The following ASCC3 variants were observed in gnomAD, a reference collection of about 807,000 sequenced individuals.
The protein encoded by ASCC3 is ASC-1 complex subunit P200.
Under a neutral mutation model 256.3 loss-of-function variants are expected in ASCC3, and 158 were observed. The ratio of observed to expected loss-of-function variants is 0.62; its 90% CI spans 0.54 to 0.70. The LOEUF (loss-of-function observed/expected upper bound fraction) is 0.70. Among genes scored for constraint, ASCC3 ranks in the 30% least tolerant of loss-of-function variants. The pLI is 0.00. For missense variants in ASCC3, 2,259 were observed against 2,626.0 expected (o/e 0.86, Z 3.05); for synonymous variants, 948 against 883.4 (o/e 1.07, Z -1.30).
intron 9 of ASCC3, among the ~76,000 whole-genome samples, 155 bp from the exon 10 acceptor site, chr6:100,766,860 G>T (rs562317345): frequency 1.1e-4 from 17 of 152,294 alleles, no homozygotes; most frequent in African/African-American, 3.6e-4. Context: ...TCTTATCTTT[G>T]TGAGATATGT....
rs562780444 is a variant in ASCC3 at position 100,605,497 on chromosome 6, T to C, written c.5177+71A>G. On this transcript the variant is annotated intron_variant, in intron 33 of 41. Transcript: ENST00000369162. ...ACCTGTTTTACTGATTTTTATATAA[T>C]AAAATATAACCAGAAAAACACCAAC... 1.0e-5 allele frequency: 12 copies of C among 1,166,048 alleles called. No homozygotes were observed. In the Admixed American group the frequency reaches 2.3e-4, roughly 22 times the overall value. The allele number at this position is 1,166,048 out of a possible 1,614,324, so 72.2% of individuals were successfully genotyped here. A position where few individuals can be genotyped will look rare whatever the true frequency, so the allele number is the denominator to read the frequency against.
Position 100,638,699 on chromosome 6 carries a change from C to G in ASCC3, c.4024G>C (p.Asp1342His). The change falls in exon 25 of 42, where the codon GAT (aspartate) becomes CAT (histidine). Residue 1342 changes from aspartate (D) to histidine (H), a missense_variant. Physicochemically the swap from Asp to His is moderately conservative, Grantham distance 81. Around this residue, in one of 2 missense-constraint regions of ASCC3, gnomAD observed 1,839 missense variants for 2,206.7 expected, o/e 0.83. Coordinates refer to ENST00000369162, the MANE Select transcript of ASCC3 (RefSeq NM_006828.4). ...GGTGCTCCAAGTAGGACATTACAAT[C>G]CGTGTGATACAATGTATGAAATATT... is the stretch of plus-strand genomic sequence containing the variant. ...TQIFHTLYHTDCNVLLGAPTG... is the reference protein window; with the variant it reads ...TQIFHTLYHTHCNVLLGAPTG... 6.2e-7 allele frequency: 1 copy of G among 1,614,016 alleles called. No homozygotes were observed. Among genetic ancestry groups the G allele is most frequent in the Non-Finnish European group, 8.5e-7 (1 of 1,179,918 alleles).
At chr6:100,633,163 A>G (rs571568393) in intron 25 of ASCC3, among the ~76,000 whole-genome samples, 1 of 152,308 alleles carries the variant, frequency 6.6e-6, no homozygotes, top group East Asian at 1.9e-4. Flanking sequence ...AATTCTAGAA[A>G]TAATTCATAA....
At chr6:100,688,728 G>A (rs78798856) in intron 13 of ASCC3, among the ~76,000 whole-genome samples, 2,278 of 152,200 alleles carry the variant, frequency 0.015, 50 homozygotes, top group African/African-American at 0.051. Context: ...CAGGCACTGC[G>A]GACATATAAC....
intron 20 of ASCC3, 68 bp downstream of exon 20, chr6:100,650,470 T>C (rs960896792): frequency 1.3e-6 from 2 of 1,512,194 alleles, no homozygotes; most frequent in Non-Finnish European, 1.8e-6. Flanking sequence ...TAGCACAGCA[T>C]GAATTAACAC....
At chr6:100,520,139 T>C (rs1319600832) in intron 37 of ASCC3, among the ~76,000 whole-genome samples, 1 of 152,136 alleles carries the variant, frequency 6.6e-6, no homozygotes, top group Non-Finnish European at 1.5e-5. Context: ...TTATTCTTTA[T>C]TCTCATCTAA....
intron 37 of ASCC3, among the ~76,000 whole-genome samples, chr6:100,529,759 GT>G (rs1774774036): frequency 6.6e-6 from 1 of 152,150 alleles, no homozygotes; most frequent in Non-Finnish European, 1.5e-5. Context: ...TATCCAACCT[GT>G]GCTGAAAGCT....
chr6:100,612,062 T>G (rs543652731), intron 30 of ASCC3, among the ~76,000 whole-genome samples: 28 of 152,170 alleles, frequency 1.8e-4, no homozygotes, highest in South Asian at 8.3e-4. Context: ...TATGTTATTC[T>G]AGGTAGTGAT....
intron 4 of ASCC3, among the ~76,000 whole-genome samples, chr6:100,842,213 C>G (rs1012822412): frequency 3.3e-5 from 5 of 152,118 alleles, no homozygotes; most frequent in African/African-American, 1.2e-4. Context: ...TCATAAAGCA[C>G]TAATGTGAAT....
intron 4 of ASCC3, among the ~76,000 whole-genome samples, chr6:100,846,671 C>T (rs1384167851): frequency 6.6e-6 from 1 of 152,178 alleles, no homozygotes; most frequent in Non-Finnish European, 1.5e-5. Context: ...AAACAGTGTT[C>T]AAGCCTGAAA....
intron 8 of ASCC3, among the ~76,000 whole-genome samples, chr6:100,793,140 GCAGTCA>G (rs1769433650): frequency 6.6e-6 from 1 of 151,840 alleles, no homozygotes; most frequent in Non-Finnish European, 1.5e-5. Context: ...ACTAAACAAA[GCAGTCA>G]TTATAATTAC....
chr6:100,580,597 T>A (rs576921459), intron 36 of ASCC3, among the ~76,000 whole-genome samples: 101 of 151,956 alleles, frequency 6.6e-4, no homozygotes, highest in African/African-American at 2.4e-3. Context: ...TTATTATTAT[T>A]ATACTTTAAG....
chr6:100,561,324 C>T (rs1052796155), intron 36 of ASCC3, among the ~76,000 whole-genome samples: 33 of 152,066 alleles, frequency 2.2e-4, no homozygotes, highest in African/African-American at 8.0e-4. Flanking sequence ...AATGCACATA[C>T]ATATATATTT....
At chr6:100,818,551 A>AG (rs1770868710) in intron 4 of ASCC3, among the ~76,000 whole-genome samples, 1 of 138,294 alleles carries the variant, frequency 7.2e-6, no homozygotes, top group African/African-American at 2.8e-5. Flanking sequence ...CCTGGATGAC[A>AG]GGGCAAGACT....
chr6:100,860,022 C>G (rs1001678138), intron 3 of ASCC3, among the ~76,000 whole-genome samples: 1 of 151,982 alleles, frequency 6.6e-6, no homozygotes, highest in Non-Finnish European at 1.5e-5. Context: ...TTGTCCACTA[C>G]TCTTGGCCCC....
At position 100,544,460 on chromosome 6, in the gene ASCC3, A is replaced by G. The variant is rs533733412; in HGVS notation, c.5551-4073T>C. 7.2e-5 allele frequency among the ~76,000 whole-genome samples: 11 copies of G among 152,202 alleles called. No individual in the cohort carries two copies. In the East Asian group the frequency reaches 1.9e-3, roughly 27 times the overall value. On this transcript the variant is annotated intron_variant, in intron 36 of 41. Transcript: ENST00000369162. ...GAAAAAGGAGAGAAGACACACACCA[A>G]TATCAGGTATAAGAGGGGTGACATA...
intron 10 of ASCC3, among the ~76,000 whole-genome samples, chr6:100,730,266 C>T (rs1278966853): frequency 6.6e-6 from 1 of 150,986 alleles, no homozygotes. Context: ...CACTGCACTC[C>T]AGCCTGGGAG....
intron 11 of ASCC3, among the ~76,000 whole-genome samples, chr6:100,725,001 G>A (rs1434927386): frequency 2.0e-5 from 3 of 151,950 alleles, no homozygotes; most frequent in Non-Finnish European, 2.9e-5. Flanking sequence ...GTACAGACAT[G>A]GCTCAATTGA....
At chr6:100,734,513 C>T (rs954996367) in intron 10 of ASCC3, among the ~76,000 whole-genome samples, 2 of 152,136 alleles carry the variant, frequency 1.3e-5, no homozygotes, top group Non-Finnish European at 2.9e-5. Context: ...CTCCCTGCTT[C>T]AATTTTCTCA....
Sources: allele counts gnomAD v4.1 joint callset (sites outside exome capture counted in the v4.1 genomes callset), GRCh38; gene constraint gnomAD v4.1.1; regional missense constraint gnomAD v4.1.1; transcripts MANE v1.5; gene names NCBI Gene and HGNC (gene_info 2026-07-23, HGNC 2026-07-21).